Variants in CACNA2D3 observed in about 807,000 individuals in gnomAD.
CACNA2D3 encodes the protein voltage-dependent calcium channel subunit alpha-2/delta-3.
Under a neutral mutation model 160.6 loss-of-function variants are expected in CACNA2D3, and 60 were observed. The ratio of observed to expected loss-of-function variants is 0.37; its 90% CI spans 0.30 to 0.46. The LOEUF is 0.46. Among genes scored for constraint, CACNA2D3 ranks in the 20% least tolerant of loss-of-function variants. The probability of loss-of-function intolerance (pLI) is 1.00; values close to 1 mark genes in which losing one functional copy is unlikely to be tolerated. For synonymous variants in CACNA2D3, 558 were observed against 492.9 expected (o/e 1.13, Z -1.75); for missense variants, 1,205 against 1,365.0 (o/e 0.88, Z 1.85).
intron 14 of CACNA2D3, 131 bp downstream of exon 14, chr3:54,817,001 G>T: frequency 1.8e-6 from 2 of 1,089,272 alleles, no homozygotes. Context: ...GAAACCTGAA[G>T]TTGGGCAGGA....
chr3:55,034,126 G>A (rs952096278), intron 35 of CACNA2D3, among the ~76,000 whole-genome samples: 6 of 151,104 alleles, frequency 4.0e-5, no homozygotes, highest in African/African-American at 1.5e-4. Context: ...AGATCCTTGG[G>A]GAAAAAAAAT....
intron 35 of CACNA2D3, among the ~76,000 whole-genome samples, chr3:55,023,587 C>T (rs981337676): frequency 6.6e-6 from 1 of 152,048 alleles, no homozygotes; most frequent in South Asian, 2.1e-4. Context: ...AGATTATTGG[C>T]TCATGTATTT....
chr3:54,249,588 C>CACACA (rs58638743), intron 2 of CACNA2D3, among the ~76,000 whole-genome samples: 42 of 147,520 alleles, frequency 2.8e-4, no homozygotes, highest in East Asian at 6.0e-4. Flanking sequence ...CACACACACA[C>CACACA]CAGGCTACAT....
intron 2 of CACNA2D3, among the ~76,000 whole-genome samples, chr3:54,161,362 C>T (rs962448779): frequency 1.3e-5 from 2 of 152,146 alleles, no homozygotes; most frequent in African/African-American, 4.8e-5. Flanking sequence ...GCAGTCTTAG[C>T]CAATTGAGAT....
chr3:54,916,502 G>A (rs1411297621), intron 27 of CACNA2D3, among the ~76,000 whole-genome samples: 2 of 152,016 alleles, frequency 1.3e-5, no homozygotes, highest in East Asian at 3.9e-4. Flanking sequence ...AGTTTCTTTC[G>A]ATATTCAGAA....
chr3:54,483,339 G>C (rs959323561), intron 4 of CACNA2D3, among the ~76,000 whole-genome samples: 1 of 152,158 alleles, frequency 6.6e-6, no homozygotes, highest in African/African-American at 2.4e-5. Context: ...GCATCTTGCA[G>C]TTGATTAGGT....
rs557419128 is a variant in CACNA2D3, at chr3:55,038,333, A to G, written c.2987+20016A>G. The stretch of plus-strand genomic sequence containing the variant: ...TTCACGCAGGAGACGCATTTTTCCA[A>G]TGGGTTTTCTATGGAATAATAGCAT... On this transcript the variant is annotated intron_variant, in intron 35 of 37. Transcript: ENST00000474759. 5.9e-5 allele frequency among the ~76,000 whole-genome samples: 9 copies of G among 152,248 alleles called. No homozygotes were observed. In the South Asian group the frequency reaches 1.5e-3, roughly 25 times the overall value.
intron 3 of CACNA2D3, among the ~76,000 whole-genome samples, chr3:54,347,787 G>A (rs1432024845): frequency 6.6e-6 from 1 of 151,988 alleles, no homozygotes; most frequent in Admixed American, 6.6e-5. Flanking sequence ...AATAGAACTG[G>A]TGCTTCCTTG....
At chr3:54,760,572 T>A (rs1702064251) in intron 12 of CACNA2D3, among the ~76,000 whole-genome samples, 1 of 152,100 alleles carries the variant, frequency 6.6e-6, no homozygotes, top group Non-Finnish European at 1.5e-5. Flanking sequence ...CAATCTCTGA[T>A]GGCTGTGAGG....
chr3:54,763,815 A>ATATACG (rs1284093550), intron 12 of CACNA2D3, among the ~76,000 whole-genome samples: 395 of 7,394 alleles, frequency 0.053, 46 homozygotes, highest in Non-Finnish European at 0.061. Flanking sequence ...ATATATACAT[A>ATATACG]TATATATACG....
chr3:54,986,461 T>G (rs890979104), intron 30 of CACNA2D3, among the ~76,000 whole-genome samples: 3 of 152,176 alleles, frequency 2.0e-5, no homozygotes, highest in African/African-American at 7.2e-5. Flanking sequence ...CTCCTAGCAG[T>G]AGTACACGCC....
chr3:54,607,227 C>G (rs529767540), intron 9 of CACNA2D3, among the ~76,000 whole-genome samples: 1 of 152,302 alleles, frequency 6.6e-6, no homozygotes, highest in East Asian at 1.9e-4. Flanking sequence ...GTTCATGTCC[C>G]TCTAGATCTG....
At chr3:54,971,265 T>C (rs889067742) in intron 29 of CACNA2D3, among the ~76,000 whole-genome samples, 4 of 152,224 alleles carry the variant, frequency 2.6e-5, no homozygotes, top group African/African-American at 4.8e-5. Context: ...TTTTGTAGGA[T>C]AGTCAAGTGG....
intron 2 of CACNA2D3, among the ~76,000 whole-genome samples, chr3:54,144,515 A>G (rs1699991171): frequency 1.3e-5 from 2 of 152,242 alleles, no homozygotes. Flanking sequence ...CTCTTGTAGT[A>G]TCCAGCTCTG....
At chr3:55,025,626 T>A (rs1703549236) in intron 35 of CACNA2D3, among the ~76,000 whole-genome samples, 2 of 110,772 alleles carry the variant, frequency 1.8e-5, no homozygotes, top group Non-Finnish European at 1.7e-5. Flanking sequence ...AGAATGAGAC[T>A]CTATCTCCAA....
rs1467335489 is a variant in CACNA2D3 at position 54,230,129 on chromosome 3, G to T, written c.205-90313G>T. Among the ~76,000 whole-genome samples the T allele has an allele frequency of 2.1e-5, 3 of 143,508 alleles. 1 individual carries two copies. Among genetic ancestry groups the T allele is most frequent in the African/African-American group, 2.5e-5 (1 of 39,562 alleles). The allele number at this position is 143,508 out of a possible 152,430, so 94.1% of individuals were successfully genotyped here. ...CACAGTGCTATTAAGTCATTTAATTGTTTTTTTTTTTTTCCATTCTGTGTT... is the reference window on the plus strand; with the variant it reads ...CACAGTGCTATTAAGTCATTTAATTTTTTTTTTTTTTTTCCATTCTGTGTT... On this transcript the variant is annotated intron_variant, in intron 2 of 37. Coordinates refer to ENST00000474759, the MANE Select transcript of CACNA2D3 (RefSeq NM_018398.3).
At chr3:54,991,543 A>T (rs1284996920) in intron 31 of CACNA2D3, among the ~76,000 whole-genome samples, 1 of 151,626 alleles carries the variant, frequency 6.6e-6, no homozygotes, top group Non-Finnish European at 1.5e-5. Context: ...ATGAAGAGAA[A>T]ATCTAGTCTC....
intron 23 of CACNA2D3, among the ~76,000 whole-genome samples, chr3:54,886,445 T>TA (rs1248622339): frequency 1.3e-5 from 2 of 152,208 alleles, no homozygotes; most frequent in Non-Finnish European, 2.9e-5. Flanking sequence ...ATAGAGACAA[T>TA]ATGAATAATA....
At position 54,346,029 on chromosome 3, in the gene CACNA2D3, G is replaced by C. The variant is rs117235605; in HGVS notation, c.321+25471G>C. Among the ~76,000 whole-genome samples the C allele has an allele frequency of 1.1e-3, 149 of 135,702 alleles. 1 individual carries two copies. The East Asian group carries it at 0.026, about 23-fold the overall frequency. The allele number at this position is 135,702 out of a possible 152,430, so 89.0% of individuals were successfully genotyped here. A position where few individuals can be genotyped will look rare whatever the true frequency, so the allele number is the denominator to read the frequency against. On this transcript the variant is annotated intron_variant, in intron 3 of 37. Coordinates refer to ENST00000474759, the MANE Select transcript of CACNA2D3 (RefSeq NM_018398.3). ...CTGAGTGGACCTTTGGTGGAGGCTG[G>C]GGGTAAGGGAGGAGGGTTGAAAAAC...
Sources: allele counts gnomAD v4.1 joint callset (sites outside exome capture counted in the v4.1 genomes callset), GRCh38; gene constraint gnomAD v4.1.1; transcripts MANE v1.5; gene names NCBI Gene and HGNC (gene_info 2026-07-23, HGNC 2026-07-21).